NRXN3: variants seen among roughly 807,000 people sequenced by gnomAD.
The protein encoded by NRXN3 is neurexin III.
Under a neutral mutation model 137.6 loss-of-function variants are expected in NRXN3, and 32 were observed. That is an observed-to-expected ratio of 0.23 (90% CI 0.18 to 0.31). The LOEUF is 0.31. NRXN3 is among the 10% of genes least tolerant of loss of function. NRXN3 has a pLI of 1.00. For missense variants in NRXN3, 1,574 were observed against 2,062.5 expected (o/e 0.76, Z 4.59); for synonymous variants, 798 against 784.5 (o/e 1.02, Z -0.29).
chr14:79,563,412 G>T (rs563293632), intron 16 of NRXN3, among the ~76,000 whole-genome samples: 8 of 152,166 alleles, frequency 5.3e-5, no homozygotes, highest in African/African-American at 1.7e-4. Context: ...TAAAGAGCAA[G>T]ATCTTTTATG....
chr14:78,845,960 A>G (rs2099025776), intron 10 of NRXN3, among the ~76,000 whole-genome samples: 1 of 149,856 alleles, frequency 6.7e-6, no homozygotes, highest in South Asian at 2.1e-4. Flanking sequence ...AAAAGATTTT[A>G]CTTTTTACTC....
At chr14:78,418,258 A>C (rs962649202) in intron 4 of NRXN3, among the ~76,000 whole-genome samples, 8 of 152,148 alleles carry the variant, frequency 5.3e-5, no homozygotes, top group African/African-American at 1.9e-4. Flanking sequence ...AATCTGCTCC[A>C]TTTCTGGGGC....
At chr14:79,453,347 A>G (rs2096207318) in intron 15 of NRXN3, among the ~76,000 whole-genome samples, 1 of 152,032 alleles carries the variant, frequency 6.6e-6, no homozygotes, top group Admixed American at 6.6e-5. Flanking sequence ...AATGTCATGT[A>G]TATAATATAG....
intron 15 of NRXN3, among the ~76,000 whole-genome samples, chr14:79,316,536 T>G (rs961828077): frequency 3.3e-5 from 5 of 152,180 alleles, no homozygotes; most frequent in African/African-American, 7.2e-5. Context: ...GTGGTAAGGG[T>G]ATGTTTGAAG....
chr14:78,943,619 AAAATATATATATATATATATATAT>A lies in NRXN3; in HGVS notation c.2276-13621_2276-13598del, dbSNP rs1410966062. Among the ~76,000 whole-genome samples the A allele has an allele frequency of 1.0e-3, 43 of 42,808 alleles. 2 individuals are homozygous for A. The highest frequency in any genetic ancestry group is 6.6e-3 in the East Asian group (7 of 1,066). The allele number at this position is 42,808 out of a possible 152,430, so 28.1% of individuals were successfully genotyped here. A position where few individuals can be genotyped will look rare whatever the true frequency, so the allele number is the denominator to read the frequency against. On this transcript the variant is annotated intron_variant, in intron 10 of 20. Coordinates refer to ENST00000335750, the MANE Select transcript of NRXN3 (RefSeq NM_001330195.2). Reference sequence around the variant, plus strand: ...GAAGCAAGATCACTGTTAAAAAAAAAAAATATATATATATATATATATATATATATATATATATATATATATATA... The same window carrying A: ...GAAGCAAGATCACTGTTAAAAAAAAAATATATATATATATATATATATATA...
At chr14:79,255,010 G>A (rs893126873) in intron 15 of NRXN3, among the ~76,000 whole-genome samples, 20 of 152,220 alleles carry the variant, frequency 1.3e-4, no homozygotes, top group African/African-American at 4.6e-4. Flanking sequence ...TGGAAGGGCG[G>A]TGTTGATTTA....
intron 6 of NRXN3, among the ~76,000 whole-genome samples, chr14:78,686,691 A>G (rs2098128815): frequency 6.6e-6 from 1 of 152,254 alleles, no homozygotes; most frequent in African/African-American, 2.4e-5. Flanking sequence ...AAAAATATAT[A>G]TGAAGTAAAA....
At chr14:78,861,174 G>A (rs539873186) in intron 10 of NRXN3, among the ~76,000 whole-genome samples, 17 of 152,158 alleles carry the variant, frequency 1.1e-4, no homozygotes, top group African/African-American at 4.1e-4. Context: ...ATCACAACAG[G>A]AAATATGTTA....
At chr14:79,560,504 C>CTTTTTTTTTTTTTTTTTTTTTTTTTTTT (rs34025659) in intron 16 of NRXN3, among the ~76,000 whole-genome samples, 1 of 43,768 alleles carries the variant, frequency 2.3e-5, no homozygotes, top group Admixed American at 4.2e-4. Context: ...AGATTGTAAG[C>CTTTTTTTTTTTTTTTTTTTTTTTTTTTT]TTTTTTTTTT....
rs28520613 is a variant in NRXN3 at position 79,161,112 on chromosome 14, A to G, written c.3262+172971A>G. On this transcript the variant is annotated intron_variant, in intron 15 of 20. Transcript: ENST00000335750. ...TGTAATTCTTGTTCTTCCTCTTCAT[A>G]TAATGCACAGACTTGAATTCCTATA... is the stretch of plus-strand genomic sequence containing the variant. Among the ~76,000 whole-genome samples, 357 of 152,088 alleles carry G rather than the reference A, an allele frequency of 2.3e-3. 2 individuals carry two copies. Among genetic ancestry groups the G allele is most frequent in the African/African-American group, 8.0e-3 (331 of 41,540 alleles).
At chr14:78,798,585 G>A (rs1320567378) in intron 8 of NRXN3, among the ~76,000 whole-genome samples, 4 of 152,146 alleles carry the variant, frequency 2.6e-5, no homozygotes, top group South Asian at 2.1e-4. Flanking sequence ...TTCTTCTCAC[G>A]GCTCCACTAG....
At chr14:78,683,955 T>C (rs1185502293) in intron 6 of NRXN3, among the ~76,000 whole-genome samples, 2 of 152,244 alleles carry the variant, frequency 1.3e-5, no homozygotes, top group East Asian at 1.9e-4. Flanking sequence ...GCAGTATTTA[T>C]GTAAACCATT....
chr14:79,018,337 TA>T (rs33953818), intron 15 of NRXN3, among the ~76,000 whole-genome samples: 65,026 of 111,524 alleles, frequency 0.58, 16,893 homozygotes, highest in African/African-American at 0.75. Flanking sequence ...ATGAAAACAA[TA>T]AAAAAAAATC....
intron 15 of NRXN3, among the ~76,000 whole-genome samples, chr14:79,450,513 TATATC>T (rs1321396443): frequency 7.9e-5 from 12 of 152,280 alleles, no homozygotes; most frequent in Middle Eastern, 3.4e-3. Context: ...ATAGTTTACA[TATATC>T]ATAACATCAC....
chr14:78,830,149 G>T (rs950503875), intron 10 of NRXN3, among the ~76,000 whole-genome samples: 1 of 152,136 alleles, frequency 6.6e-6, no homozygotes, highest in South Asian at 2.1e-4. Flanking sequence ...GGGTGCGTGT[G>T]TGTGTTATCT....
chr14:79,026,203 A>G (rs1045835013), intron 15 of NRXN3, among the ~76,000 whole-genome samples: 1 of 152,308 alleles, frequency 6.6e-6, no homozygotes, highest in Admixed American at 6.5e-5. Context: ...TTATATTCAT[A>G]TAATGCTCCA....
chr14:79,392,969 C>A (rs1366852145), intron 15 of NRXN3, among the ~76,000 whole-genome samples: 319 of 60,506 alleles, frequency 5.3e-3, no homozygotes, highest in South Asian at 8.5e-3. Flanking sequence ...GGCTCCATCT[C>A]AAAAAAAAAA....
intron 4 of NRXN3, among the ~76,000 whole-genome samples, chr14:78,481,788 TC>T (rs896519988): frequency 6.6e-6 from 1 of 152,098 alleles, no homozygotes; most frequent in African/African-American, 2.4e-5. Context: ...AGAAAGGATA[TC>T]CCCTCCTACA....
At chr14:79,261,455 T>C (rs1174811265) in intron 15 of NRXN3, among the ~76,000 whole-genome samples, 1 of 152,064 alleles carries the variant, frequency 6.6e-6, no homozygotes, top group African/African-American at 2.4e-5. Flanking sequence ...TTATCCTGAC[T>C]TGAAGATGAG....
Sources: gnomAD v4.1 joint callset for allele counts (sites outside exome capture counted in the v4.1 genomes callset) on GRCh38, gnomAD v4.1.1 for gene constraint, MANE v1.5 for transcripts, NCBI Gene and HGNC (gene_info 2026-07-23, HGNC 2026-07-21) for gene names.